Variants in DAPK1 observed in about 807,000 individuals in gnomAD.
DAPK1 encodes death-associated protein kinase 1.
A neutral mutation model predicts 144.9 loss-of-function variants in DAPK1; 56 were observed. The observed-to-expected ratio is 0.39, with a 90% CI of 0.31 to 0.48. DAPK1 has a LOEUF of 0.48. Ranked by LOEUF, DAPK1 falls within the 20% of genes least tolerant of loss-of-function variation. The pLI is 0.95. For missense variants in DAPK1, 1,454 were observed against 1,875.4 expected, an observed-to-expected ratio of 0.78 and a Z score of 4.15; for synonymous variants, 690 against 749.0, an observed-to-expected ratio of 0.92 and a Z score of 1.29.
At chr9:87,595,163 A>G (rs1010539740) in intron 2 of DAPK1, among the ~76,000 whole-genome samples, 2 of 152,192 alleles carry the variant, frequency 1.3e-5, no homozygotes, top group African/African-American at 4.8e-5. Flanking sequence ...ATGCTTCAAA[A>G]CCAAAAATAT....
At chr9:87,609,368 G>A (rs1828846057) in intron 3 of DAPK1, among the ~76,000 whole-genome samples, 1 of 152,178 alleles carries the variant, frequency 6.6e-6, no homozygotes, top group South Asian at 2.1e-4. Flanking sequence ...GTGTTTCTCT[G>A]GAGAACCCTG....
chr9:87,498,036 C>A lies in DAPK1; in HGVS notation c.-180C>A. On this transcript the variant is annotated 5_prime_UTR_variant, in exon 1 of 26. Transcript: ENST00000408954. ...TGTTCCCGCCGCCGCCCCGGCTAGTCTCCGGCGCTGGCGCCTATGGTCGGC... is the reference window on the plus strand; with the variant it reads ...TGTTCCCGCCGCCGCCCCGGCTAGTATCCGGCGCTGGCGCCTATGGTCGGC... 2.5e-6 allele frequency: 1 copy of A among 397,942 alleles called. No homozygotes were observed. Among genetic ancestry groups the A allele is most frequent in the South Asian group, 1.3e-4 (1 of 7,664 alleles). The allele number at this position is 397,942 out of a possible 1,614,324, so 24.7% of individuals were successfully genotyped here.
intron 19 of DAPK1, among the ~76,000 whole-genome samples, chr9:87,676,142 A>T (rs1824370138): frequency 6.6e-6 from 1 of 152,182 alleles, no homozygotes; most frequent in Non-Finnish European, 1.5e-5. Flanking sequence ...TCTCCCCTAG[A>T]GGTGTTGGCT....
chr9:87,703,357 G>A (rs902627408), intron 25 of DAPK1, 140 bp downstream of exon 25: 19 of 602,914 alleles, frequency 3.2e-5, no homozygotes, highest in Middle Eastern at 4.0e-4. Context: ...ATTTCCACAC[G>A]TGTGACAAAC....
intron 2 of DAPK1, among the ~76,000 whole-genome samples, chr9:87,501,308 C>G (rs138835993): frequency 0.03 from 4,618 of 152,306 alleles, 254 homozygotes; most frequent in African/African-American, 0.11. Flanking sequence ...ATCACGAGGT[C>G]AGGAGTTCAA....
chr9:87,524,099 C>T (rs762592607), intron 2 of DAPK1, among the ~76,000 whole-genome samples: 6 of 152,196 alleles, frequency 3.9e-5, no homozygotes, highest in Non-Finnish European at 7.3e-5. Flanking sequence ...TTGGATAAGG[C>T]GTTCCTGGTG....
intron 2 of DAPK1, chr9:87,525,383 C>T (rs1401347229): frequency 1.6e-5 from 26 of 1,611,258 alleles, no homozygotes; most frequent in African/African-American, 1.1e-4. Flanking sequence ...TTCAAACAAC[C>T]GGCACGGTCT....
chr9:87,695,559 A>G (rs1268116861), intron 21 of DAPK1, among the ~76,000 whole-genome samples: 1 of 152,176 alleles, frequency 6.6e-6, no homozygotes, highest in East Asian at 1.9e-4. Flanking sequence ...TCACAGCTCC[A>G]GTATGGGAAA....
At chr9:87,544,295 C>T (rs778229218) in intron 2 of DAPK1, among the ~76,000 whole-genome samples, 1 of 151,998 alleles carries the variant, frequency 6.6e-6, no homozygotes, top group South Asian at 2.1e-4. Context: ...ATTTTAGAAA[C>T]ATGAGAAAAA....
At chr9:87,560,586 T>C (rs1826875651) in intron 2 of DAPK1, among the ~76,000 whole-genome samples, 1 of 152,110 alleles carries the variant, frequency 6.6e-6, no homozygotes, top group Non-Finnish European at 1.5e-5. Flanking sequence ...TCACACAATA[T>C]TTGTGCTTTT....
intron 23 of DAPK1, among the ~76,000 whole-genome samples, chr9:87,699,510 G>A (rs553624792): frequency 9.2e-5 from 14 of 152,264 alleles, no homozygotes; most frequent in Admixed American, 4.6e-4. Context: ...TTTGTAAAAC[G>A]TTTGTTTCAC....
rs1488556225 is a variant in DAPK1 at position 87,707,147 on chromosome 9, A to G, written c.4076A>G (p.His1359Arg). 1.2e-6 allele frequency: 2 copies of G among 1,613,508 alleles called. No individual in the cohort carries two copies. The highest frequency in any genetic ancestry group is 1.7e-5 in the Admixed American group (1 of 59,998). The change falls in exon 26 of 26, where the codon CAC becomes CGC. Residue 1359 changes from histidine to arginine, a missense_variant. Physicochemically the swap from His to Arg is conservative, Grantham distance 29. Around this residue, in one of 2 missense-constraint regions of DAPK1, gnomAD observed 1,025 missense variants for 1,237.9 expected, o/e 0.83. Transcript: ENST00000408954. The surrounding 1 kb of genome is among the most constrained non-coding windows in gnomAD (Gnocchi z 4.0). ...AAGGATTTCCTCCCCAGCCCCCTCC[A>G]CGCCCTGCTGCGGGAATGGACCACC... is the stretch of plus-strand genomic sequence containing the variant. The part of the protein sequence containing the change: ...APKDFLPSPL[H>R]ALLREWTTYP...
intron 3 of DAPK1, among the ~76,000 whole-genome samples, chr9:87,630,569 G>A (rs139960572): frequency 1.1e-3 from 172 of 152,216 alleles, no homozygotes; most frequent in African/African-American, 3.9e-3. Context: ...GGATTACATC[G>A]GATGTTTTGG....
chr9:87,660,235 C>G (rs1008771332), intron 18 of DAPK1, among the ~76,000 whole-genome samples: 6 of 151,984 alleles, frequency 3.9e-5, no homozygotes, highest in African/African-American at 1.4e-4. Context: ...CCGGCCTTCC[C>G]CGCAGGGAAC....
At chr9:87,631,946 G>T in intron 3 of DAPK1, 1 of 459,266 alleles carries the variant, frequency 2.2e-6, no homozygotes, top group Non-Finnish European at 2.9e-6. Context: ...CTGCCTTCAT[G>T]AATTGGCACG....
At chr9:87,689,013 T>C (rs554031329) in intron 21 of DAPK1, among the ~76,000 whole-genome samples, 8 of 152,218 alleles carry the variant, frequency 5.3e-5, no homozygotes, top group South Asian at 2.1e-4. Flanking sequence ...TTCCCCAAGG[T>C]CAGTATCCAA....
chr9:87,611,820 G>C (rs563991817), intron 3 of DAPK1, among the ~76,000 whole-genome samples: 1 of 152,212 alleles, frequency 6.6e-6, no homozygotes, highest in Non-Finnish European at 1.5e-5. Flanking sequence ...ACAGATTCCC[G>C]GGTGATGCGG....
chr9:87,651,377 TA>T, intron 16 of DAPK1, 149 bp from the exon 17 acceptor site: 1 of 710,718 alleles, frequency 1.4e-6, no homozygotes. Context: ...GCTATAGGAG[TA>T]AAGTTTCTTC....
At chr9:87,617,837 C>T (rs1302230261) in intron 3 of DAPK1, among the ~76,000 whole-genome samples, 1 of 152,174 alleles carries the variant, frequency 6.6e-6, no homozygotes, top group Non-Finnish European at 1.5e-5. Context: ...CCTCCATAGT[C>T]CCTGCTCCCC....
Sources: gnomAD v4.1 joint callset for allele counts (sites outside exome capture counted in the v4.1 genomes callset) on GRCh38, gnomAD v4.1.1 for gene constraint, gnomAD v4.1.1 regional missense constraint, Gnocchi (gnomAD v3.1) non-coding constraint, MANE v1.5 for transcripts, NCBI Gene and HGNC (gene_info 2026-07-23, HGNC 2026-07-21) for gene names.